SLC2A9: variants seen among roughly 807,000 people sequenced by gnomAD.
The protein encoded by SLC2A9 is solute carrier family 2 member 9, also known as solute carrier family 2, facilitated glucose transporter member 9.
In SLC2A9, 39 loss-of-function variants were observed where a neutral mutation model predicts 50.6. The observed-to-expected ratio is 0.77, with a 90% CI of 0.60 to 1.01. SLC2A9 has a LOEUF of 1.01. SLC2A9 is among the 50% of genes least tolerant of loss of function. The pLI, the probability that SLC2A9 is intolerant of heterozygous loss-of-function variation, is 0.00. For synonymous variants in SLC2A9, 324 were observed against 276.9 expected, an observed-to-expected ratio of 1.17 and a Z score of -1.69; for missense variants, 686 against 677.6, an observed-to-expected ratio of 1.01 and a Z score of -0.14.
At chr4:9,895,584 G>A (rs1738392889) in intron 8 of SLC2A9, among the ~76,000 whole-genome samples, 1 of 152,194 alleles carries the variant, frequency 6.6e-6, no homozygotes, top group African/African-American at 2.4e-5. Flanking sequence ...CATCCACTCA[G>A]CAGCCATTCA....
At chr4:9,987,151 G>T (rs958719391) in intron 3 of SLC2A9, among the ~76,000 whole-genome samples, 39 of 152,164 alleles carry the variant, frequency 2.6e-4, no homozygotes, top group African/African-American at 9.4e-4. Flanking sequence ...ACAGAGTCTT[G>T]CTCTATCACC....
downstream of SLC2A9, among the ~76,000 whole-genome samples, chr4:9,794,807 C>A (rs539236975): frequency 6.6e-6 from 1 of 152,028 alleles, no homozygotes; most frequent in Non-Finnish European, 1.5e-5. Flanking sequence ...GTGGTGGCAA[C>A]GAGGGGATCT....
downstream of SLC2A9, among the ~76,000 whole-genome samples, chr4:9,795,379 G>T (rs1001695492): frequency 6.6e-6 from 1 of 152,160 alleles, no homozygotes; most frequent in African/African-American, 2.4e-5. Context: ...ACTGAGCAGT[G>T]AGAAAACTTG....
At chr4:10,018,839 G>A (rs1345917929) in intron 2 of SLC2A9, 136 bp downstream of exon 2, 3 of 785,304 alleles carry the variant, frequency 3.8e-6, no homozygotes, top group East Asian at 5.4e-5. Flanking sequence ...TCCCCCGAGT[G>A]GGGGCTAATC....
intron 3 of SLC2A9, among the ~76,000 whole-genome samples, chr4:9,809,605 A>T (rs767714610): frequency 9.9e-5 from 15 of 152,166 alleles, no homozygotes; most frequent in Admixed American, 5.9e-4. Flanking sequence ...AGGACCCACC[A>T]TGACATACCT....
chr4:9,848,773 C>A (rs1012872546), intron 10 of SLC2A9, among the ~76,000 whole-genome samples: 2 of 149,732 alleles, frequency 1.3e-5, no homozygotes, highest in South Asian at 4.2e-4. Context: ...GGCACGATCT[C>A]GGCTCACTGC....
chr4:9,856,694 C>CA (rs2109355013), intron 10 of SLC2A9, among the ~76,000 whole-genome samples: 1 of 151,894 alleles, frequency 6.6e-6, no homozygotes, highest in South Asian at 2.1e-4. Flanking sequence ...TTCACAATAG[C>CA]AAAGACATAG....
At chr4:9,995,072 C>G (rs1268973206) in intron 3 of SLC2A9, among the ~76,000 whole-genome samples, 1 of 152,140 alleles carries the variant, frequency 6.6e-6, no homozygotes, top group African/African-American at 2.4e-5. Context: ...GTGGAAAGAT[C>G]ATGATTCCAG....
chr4:9,960,878 G>T (rs758536119), intron 5 of SLC2A9, among the ~76,000 whole-genome samples: 1 of 152,106 alleles, frequency 6.6e-6, no homozygotes, highest in Non-Finnish European at 1.5e-5. Flanking sequence ...ACCCAAATTC[G>T]GGAGCCTTCA....
intron 7 of SLC2A9, 115 bp downstream of exon 7, chr4:9,920,270 G>GTC (rs1743671624): frequency 1.8e-6 from 2 of 1,090,314 alleles, no homozygotes; most frequent in Admixed American, 2.0e-5. Context: ...CATAGAGTTT[G>GTC]TGGCAATGAC....
At chr4:9,946,461 C>G (rs1246017969) in intron 5 of SLC2A9, among the ~76,000 whole-genome samples, 2 of 152,166 alleles carry the variant, frequency 1.3e-5, no homozygotes, top group Non-Finnish European at 2.9e-5. Flanking sequence ...GGCCCCCAGA[C>G]AAGGGAGCAC....
At chr4:9,998,951 A>AT (rs1392163336) in intron 2 of SLC2A9, among the ~76,000 whole-genome samples, 1 of 152,170 alleles carries the variant, frequency 6.6e-6, no homozygotes, top group Non-Finnish European at 1.5e-5. Flanking sequence ...CCAAATTAAA[A>AT]TTTTTTGGAG....
In SLC2A9 at chr4:9,780,816, C is replaced by T. The variant is rs115503187; in HGVS notation, n.386-751G>A. On this transcript the variant is annotated intron_variant and non_coding_transcript_variant, in intron 3 of 3. Transcript: ENST00000503803. ...CTTTTTTTTCAGTTTGGGTTTTGGG[C>T]CCCGTCAGTTCCTTTTCTGTTAAAC... is the stretch of plus-strand genomic sequence containing the variant. Among the ~76,000 whole-genome samples the T allele has an allele frequency of 6.8e-3, 1,041 of 152,182 alleles. 9 individuals are homozygous for T. Among genetic ancestry groups the T allele is most frequent in the African/African-American group, 0.024 (999 of 41,512 alleles).
At chr4:9,898,382 CAATT>C (rs1261825814) in intron 8 of SLC2A9, among the ~76,000 whole-genome samples, 2 of 152,220 alleles carry the variant, frequency 1.3e-5, no homozygotes, top group Non-Finnish European at 1.5e-5. Flanking sequence ...AAATTTATCT[CAATT>C]AAAGCGTCCA....
chr4:9,935,032 C>T (rs1382507048), intron 6 of SLC2A9, among the ~76,000 whole-genome samples: 1 of 152,130 alleles, frequency 6.6e-6, no homozygotes. Context: ...ATATATGCAC[C>T]ATATTTTCTT....
chr4:9,889,085 T>C (rs902598701), intron 9 of SLC2A9, among the ~76,000 whole-genome samples: 10 of 152,192 alleles, frequency 6.6e-5, no homozygotes, highest in African/African-American at 2.2e-4. Flanking sequence ...TGGTATGTGA[T>C]AAGTGATCTC....
chr4:9,829,265 G>A (rs568554396), intron 11 of SLC2A9, among the ~76,000 whole-genome samples: 22 of 152,192 alleles, frequency 1.4e-4, no homozygotes, highest in South Asian at 4.1e-4. Flanking sequence ...TTAGCTAGGC[G>A]TGGTGGCAGT....
intron 8 of SLC2A9, among the ~76,000 whole-genome samples, chr4:9,900,014 G>A (rs1046269795): frequency 6.6e-6 from 1 of 152,152 alleles, no homozygotes; most frequent in African/African-American, 2.4e-5. Flanking sequence ...TTCTCAACAG[G>A]TTTGTGAGGA....
chr4:9,865,142 T>A (rs1251104410), intron 10 of SLC2A9, among the ~76,000 whole-genome samples: 1 of 152,260 alleles, frequency 6.6e-6, no homozygotes, highest in Non-Finnish European at 1.5e-5. Flanking sequence ...CAGCGGTTCA[T>A]AGCCAGGAGT....
Sources: allele counts gnomAD v4.1 joint callset (sites outside exome capture counted in the v4.1 genomes callset), GRCh38; gene constraint gnomAD v4.1.1; transcripts MANE v1.5; gene names NCBI Gene and HGNC (gene_info 2026-07-23, HGNC 2026-07-21).